The following CREB5 variants were observed in gnomAD, a reference collection of about 807,000 sequenced individuals.
CREB5 encodes cAMP responsive element binding protein 5.
A neutral mutation model predicts 57.1 loss-of-function variants in CREB5; 19 were observed. The ratio of observed to expected loss-of-function variants is 0.33; its 90% confidence interval spans 0.23 to 0.49. The LOEUF (loss-of-function observed/expected upper bound fraction) is 0.49. CREB5 is among the 20% of genes least tolerant of loss of function. The pLI, the probability that CREB5 is intolerant of heterozygous loss-of-function variation, is 0.99. For missense variants in CREB5, 579 were observed against 671.6 expected (o/e 0.86, Z 1.52); for synonymous variants, 238 against 238.3 (o/e 1.00, Z 0.01).
chr7:28,383,295 A>G (rs561332766), intron 1 of CREB5, among the ~76,000 whole-genome samples: 28 of 152,338 alleles, frequency 1.8e-4, no homozygotes, highest in Non-Finnish European at 3.4e-4. Flanking sequence ...TGTGATTTCA[A>G]AGCAGCTAGA....
chr7:28,411,619 A>C (rs35045972), upstream of CREB5, among the ~76,000 whole-genome samples: 5 of 152,138 alleles, frequency 3.3e-5, no homozygotes, highest in African/African-American at 9.7e-5. Flanking sequence ...AAAAGTATTA[A>C]CAGAGTTTTG....
chr7:28,636,037 G>T (rs1798406442), intron 5 of CREB5, among the ~76,000 whole-genome samples: 1 of 152,218 alleles, frequency 6.6e-6, no homozygotes, highest in Non-Finnish European at 1.5e-5. Flanking sequence ...AAGGATTATA[G>T]CACTGGATGA....
chr7:28,480,654 G>C (rs1791285309), intron 1 of CREB5, among the ~76,000 whole-genome samples: 1 of 152,146 alleles, frequency 6.6e-6, no homozygotes, highest in South Asian at 2.1e-4. Context: ...CAAAACCTAA[G>C]AATCTCTACA....
chr7:28,348,819 A>T (rs1786127948), intron 1 of CREB5, among the ~76,000 whole-genome samples: 1 of 152,218 alleles, frequency 6.6e-6, no homozygotes, highest in Non-Finnish European at 1.5e-5. Flanking sequence ...CTCCCCAGCC[A>T]GGCCATCCAC....
intron 1 of CREB5, among the ~76,000 whole-genome samples, chr7:28,477,232 A>C (rs1250359925): frequency 6.6e-6 from 1 of 152,242 alleles, no homozygotes; most frequent in East Asian, 1.9e-4. Context: ...CATCAAGGGC[A>C]GCCACAATTT....
rs34901571 is a variant in CREB5 at position 28,399,418 on chromosome 7, T to TA, written c.-24-95470dup. Among the ~76,000 whole-genome samples, 719 of 128,128 alleles carry TA rather than the reference T, an allele frequency of 5.6e-3. 2 individuals are homozygous for TA. Among genetic ancestry groups the TA allele is most frequent in the East Asian group, 0.024 (108 of 4,490 alleles). 84.1% of individuals were successfully genotyped at this position (128,128 alleles called of 152,430 possible). On this transcript the variant is annotated intron_variant, in intron 1 of 9. Transcript: ENST00000396299. ...ATATTACAAAACAGCATCATTCTGG[T>TA]AAAAAAAAAAAAAAAAAAGACACAT... is the stretch of plus-strand genomic sequence containing the variant.
intron 5 of CREB5, among the ~76,000 whole-genome samples, chr7:28,580,627 G>A (rs1796090709): frequency 6.6e-6 from 1 of 151,096 alleles, no homozygotes; most frequent in Non-Finnish European, 1.5e-5. Context: ...TAAAAAGAGT[G>A]TGTGAAACTT....
chr7:28,811,225 T>G (rs1809102645), intron 9 of CREB5, among the ~76,000 whole-genome samples: 1 of 152,216 alleles, frequency 6.6e-6, no homozygotes, highest in African/African-American at 2.4e-5. Context: ...AATGAATTCC[T>G]CATAGCTGGA....
intron 5 of CREB5, among the ~76,000 whole-genome samples, chr7:28,587,827 C>T (rs1236181684): frequency 6.6e-6 from 1 of 152,176 alleles, no homozygotes; most frequent in East Asian, 1.9e-4. Flanking sequence ...ACTGGATGCC[C>T]TTTAGTGGAA....
At chr7:28,625,501 G>A (rs1583439674) in intron 5 of CREB5, among the ~76,000 whole-genome samples, 1 of 152,212 alleles carries the variant, frequency 6.6e-6, no homozygotes, top group East Asian at 1.9e-4. Flanking sequence ...TCAAAAAGAA[G>A]AGGGTCCTTG....
intron 1 of CREB5, among the ~76,000 whole-genome samples, chr7:28,441,617 T>G (rs1211736735): frequency 6.6e-6 from 1 of 152,194 alleles, no homozygotes; most frequent in East Asian, 1.9e-4. Flanking sequence ...CAGCCTTTAG[T>G]GAATATTTGG....
intron 5 of CREB5, among the ~76,000 whole-genome samples, chr7:28,597,589 G>T (rs1338897951): frequency 6.6e-6 from 1 of 152,188 alleles, no homozygotes; most frequent in Admixed American, 6.5e-5. Context: ...TCCAAGGTCA[G>T]TATGGATGTT....
intron 4 of CREB5, among the ~76,000 whole-genome samples, chr7:28,532,279 C>A (rs1334160061): frequency 6.6e-6 from 1 of 152,212 alleles, no homozygotes; most frequent in Non-Finnish European, 1.5e-5. Flanking sequence ...ATGAATATAG[C>A]CCTGGCTGAT....
chr7:28,412,925 T>G lies in CREB5; in HGVS notation c.3+8T>G, dbSNP rs1787863756. The G allele has an allele frequency of 1.4e-6, 2 of 1,476,766 alleles. No homozygotes were observed. Among genetic ancestry groups the G allele is most frequent in the East Asian group, 4.9e-5 (2 of 41,206 alleles). 91.5% of individuals were successfully genotyped at this position (1,476,766 alleles called of 1,614,324 possible). Reference sequence around the variant, plus strand: ...TTTATTCTACAGATAATGGTAAGGATGATGTTTATTATGCATATTAAACAG... The same window carrying G: ...TTTATTCTACAGATAATGGTAAGGAGGATGTTTATTATGCATATTAAACAG... On this transcript the variant is annotated splice_region_variant and intron_variant, in intron 1 of 10. Transcript: ENST00000357727.
rs373649271 is a variant in CREB5 at position 28,545,411 on chromosome 7, C to A, written c.292-24954C>A. Among the ~76,000 whole-genome samples the A allele has an allele frequency of 8.5e-5, 13 of 152,280 alleles. No homozygotes were observed. The East Asian group carries it at 2.5e-3, about 29-fold the overall frequency. On this transcript the variant is annotated intron_variant, in intron 4 of 10. Transcript: ENST00000357727. Reference sequence around the variant, plus strand: ...CTTATTGTGCAGGCAGTGCCTTATCCTTTCTAAGCAAAGCTATGGTACATT... The same window carrying A: ...CTTATTGTGCAGGCAGTGCCTTATCATTTCTAAGCAAAGCTATGGTACATT...
At chr7:28,446,647 C>G (rs568622913) in intron 1 of CREB5, among the ~76,000 whole-genome samples, 1 of 152,230 alleles carries the variant, frequency 6.6e-6, no homozygotes, top group South Asian at 2.1e-4. Flanking sequence ...AAAAAATTAG[C>G]TGGGCGTGGT....
chr7:28,458,016 T>C (rs1790185424), intron 1 of CREB5, among the ~76,000 whole-genome samples: 1 of 152,108 alleles, frequency 6.6e-6, no homozygotes, highest in Non-Finnish European at 1.5e-5. Flanking sequence ...TGGTGGAGCA[T>C]GACAGGGCCC....
intron 1 of CREB5, among the ~76,000 whole-genome samples, chr7:28,445,012 AG>A (rs1340728742): frequency 6.6e-6 from 1 of 152,160 alleles, no homozygotes; most frequent in Admixed American, 6.5e-5. Flanking sequence ...GGGAGCTGGT[AG>A]GGGGTAATTG....
At chr7:28,473,104 C>T (rs1790897128) in intron 1 of CREB5, among the ~76,000 whole-genome samples, 1 of 152,160 alleles carries the variant, frequency 6.6e-6, no homozygotes, top group African/African-American at 2.4e-5. Flanking sequence ...GGGAGGTTTG[C>T]TTAAGGCCAG....
Sources: allele counts gnomAD v4.1 joint callset (sites outside exome capture counted in the v4.1 genomes callset), GRCh38; gene constraint gnomAD v4.1.1; transcripts MANE v1.5; gene names NCBI Gene and HGNC (gene_info 2026-07-23, HGNC 2026-07-21).